Variants in DCC observed in about 807,000 individuals in gnomAD.
DCC encodes the protein netrin receptor DCC.
Under a neutral mutation model 172.5 loss-of-function variants are expected in DCC, and 58 were observed. The ratio of observed to expected loss-of-function variants is 0.34; its 90% CI spans 0.27 to 0.42. The LOEUF is 0.42. DCC is among the 10% of genes least tolerant of loss of function. The pLI, the probability that DCC is intolerant of heterozygous loss-of-function variation, is 1.00. For synonymous variants in DCC, 709 were observed against 644.5 expected (o/e 1.10, Z -1.52); for missense variants, 1,740 against 1,791.0 (o/e 0.97, Z 0.51).
chr18:52,796,959 T>G (rs920019183), intron 2 of DCC, among the ~76,000 whole-genome samples: 5 of 152,160 alleles, frequency 3.3e-5, no homozygotes, highest in South Asian at 2.1e-4. Flanking sequence ...ATTTAAAATT[T>G]TGGTCATTTT....
chr18:53,210,062 T>C (rs1398341229), intron 11 of DCC, among the ~76,000 whole-genome samples: 4 of 152,228 alleles, frequency 2.6e-5, no homozygotes. Flanking sequence ...GCAAGGACTT[T>C]ATAAGCTTCT....
chr18:53,043,927 A>C (rs2042202588), intron 5 of DCC, among the ~76,000 whole-genome samples: 2 of 151,864 alleles, frequency 1.3e-5, no homozygotes, highest in African/African-American at 4.8e-5. Context: ...GTGCCTGTGA[A>C]TGCCAAGAAA....
chr18:52,925,414 G>A (rs1397057573), intron 5 of DCC, 44 bp downstream of exon 5: 2 of 1,582,856 alleles, frequency 1.3e-6, no homozygotes, highest in Non-Finnish European at 1.7e-6. Context: ...ACCTTTCAAA[G>A]TATATCACCG....
intron 27 of DCC, among the ~76,000 whole-genome samples, chr18:53,504,086 G>A (rs145347521): frequency 2.4e-4 from 36 of 152,282 alleles, no homozygotes; most frequent in Admixed American, 1.6e-3. Flanking sequence ...CAGAAAAGGC[G>A]TTTGATTTAT....
At chr18:52,571,616 G>A (rs1001811849) in intron 1 of DCC, among the ~76,000 whole-genome samples, 4 of 152,120 alleles carry the variant, frequency 2.6e-5, no homozygotes, top group African/African-American at 9.7e-5. Context: ...TGAGCCTCTT[G>A]TTCCCATCAG....
At chr18:52,982,869 C>A (rs2041233331) in intron 5 of DCC, among the ~76,000 whole-genome samples, 1 of 152,172 alleles carries the variant, frequency 6.6e-6, no homozygotes, top group Non-Finnish European at 1.5e-5. Context: ...CATGCAGTTT[C>A]AGATGCTTTC....
intron 1 of DCC, among the ~76,000 whole-genome samples, chr18:52,662,420 C>T (rs992949029): frequency 2.3e-4 from 34 of 146,674 alleles, no homozygotes; most frequent in Middle Eastern, 3.6e-3. Flanking sequence ...ACAATAAATG[C>T]GAAAAGATTC....
intron 2 of DCC, among the ~76,000 whole-genome samples, chr18:52,775,492 C>A (rs2037413755): frequency 6.6e-6 from 1 of 152,164 alleles, no homozygotes; most frequent in Non-Finnish European, 1.5e-5. Context: ...AGAATGAGTG[C>A]AAAGTTTTAC....
intron 11 of DCC, among the ~76,000 whole-genome samples, chr18:53,210,597 T>C (rs2055735035): frequency 6.6e-6 from 1 of 152,212 alleles, no homozygotes; most frequent in Non-Finnish European, 1.5e-5. Context: ...CAAAGGCTTA[T>C]CTTTAGGATT....
chr18:52,599,967 T>G (rs1335317644), intron 1 of DCC, among the ~76,000 whole-genome samples: 2 of 152,190 alleles, frequency 1.3e-5, no homozygotes, highest in African/African-American at 2.4e-5. Flanking sequence ...GCCATCCCCT[T>G]TCTATGGTTC....
intron 1 of DCC, among the ~76,000 whole-genome samples, chr18:52,623,839 C>G (rs2034524929): frequency 6.6e-6 from 1 of 152,094 alleles, no homozygotes; most frequent in Admixed American, 6.6e-5. Context: ...TCTGTCCCTC[C>G]CTTTCCCTCA....
intron 1 of DCC, among the ~76,000 whole-genome samples, chr18:52,503,017 G>A (rs1218714041): frequency 1.3e-5 from 2 of 152,106 alleles, no homozygotes; most frequent in Admixed American, 6.6e-5. Flanking sequence ...TTAAGCTGCC[G>A]TGCTGCTCAG....
intron 7 of DCC, among the ~76,000 whole-genome samples, chr18:53,105,604 A>G (rs2144232689): frequency 6.6e-6 from 1 of 152,038 alleles, no homozygotes; most frequent in East Asian, 1.9e-4. Flanking sequence ...TGTTTTTGAA[A>G]GGATTGTGAT....
In DCC at chr18:53,225,057, G is replaced by A. The variant is rs574473552; in HGVS notation, c.1911+9460G>A. On this transcript the variant is annotated intron_variant, in intron 12 of 28. Transcript: ENST00000442544. ...TATGACAGGGATAAAAAGAGGAAGGGTGATTTCACAGATGTCATGGTGGGG... is the reference window on the plus strand; with the variant it reads ...TATGACAGGGATAAAAAGAGGAAGGATGATTTCACAGATGTCATGGTGGGG... Among the ~76,000 whole-genome samples, 41 of 152,228 alleles carry A rather than the reference G, an allele frequency of 2.7e-4. No individual in the cohort carries two copies. The East Asian group carries it at 7.7e-3, about 29-fold the overall frequency.
chr18:53,484,014 T>C (rs1056048173), intron 25 of DCC, among the ~76,000 whole-genome samples: 1 of 146,308 alleles, frequency 6.8e-6, no homozygotes, highest in East Asian at 2.0e-4. Context: ...TAGATAGATA[T>C]AGTGTGTGTG....
intron 9 of DCC, among the ~76,000 whole-genome samples, chr18:53,194,477 T>G (rs574851956): frequency 1.4e-5 from 2 of 145,644 alleles, no homozygotes; most frequent in African/African-American, 5.0e-5. Flanking sequence ...TTGTTGTTTG[T>G]TTTTTTTTTA....
intron 5 of DCC, among the ~76,000 whole-genome samples, chr18:53,012,559 A>T (rs2143884991): frequency 6.6e-6 from 1 of 152,204 alleles, no homozygotes; most frequent in East Asian, 1.9e-4. Context: ...AGAGATGGAA[A>T]TGTTTTATCT....
intron 2 of DCC, among the ~76,000 whole-genome samples, chr18:52,792,153 C>A (rs1598806621): frequency 6.6e-6 from 1 of 151,976 alleles, no homozygotes; most frequent in Non-Finnish European, 1.5e-5. Flanking sequence ...ATGCCATGAA[C>A]TCTCCAGACC....
chr18:53,019,508 T>C (rs1195093141), intron 5 of DCC, among the ~76,000 whole-genome samples: 1 of 152,126 alleles, frequency 6.6e-6, no homozygotes, highest in Non-Finnish European at 1.5e-5. Flanking sequence ...AGGATTTACA[T>C]ACTCTTAATA....
Sources: gnomAD v4.1 joint callset for allele counts (sites outside exome capture counted in the v4.1 genomes callset) on GRCh38, gnomAD v4.1.1 for gene constraint, MANE v1.5 for transcripts, NCBI Gene and HGNC (gene_info 2026-07-23, HGNC 2026-07-21) for gene names.